Variants in ELAPOR1 observed in about 807,000 individuals in gnomAD.
The protein encoded by ELAPOR1 is endosome/lysosome-associated apoptosis and autophagy regulator 1.
Under a neutral mutation model 119.7 loss-of-function variants are expected in ELAPOR1, and 77 were observed. The ratio of observed to expected loss-of-function variants is 0.64; its 90% CI spans 0.54 to 0.78. The LOEUF is 0.78. ELAPOR1 is among the 30% of genes least tolerant of loss of function. The probability of loss-of-function intolerance (pLI) is 0.00; values close to 1 mark genes in which losing one functional copy is unlikely to be tolerated. For synonymous variants in ELAPOR1, 481 were observed against 487.2 expected, an observed-to-expected ratio of 0.99 and a Z score of 0.17; for missense variants, 1,115 against 1,270.4, an observed-to-expected ratio of 0.88 and a Z score of 1.86.
In ELAPOR1 at chr1:109,202,937, CTT is replaced by C. The variant is rs563551905; in HGVS notation, c.2974-5_2974-4del. ...GCAGCCAGCTCCTGTCACCATCTCT[CTT>C]TCAGAGGACTCCTGATGGATTTGAC... is the stretch of plus-strand genomic sequence containing the variant. On this transcript the variant is annotated splice_region_variant and splice_polypyrimidine_tract_variant and intron_variant, in intron 21 of 21. Coordinates refer to ENST00000369939, the MANE Select transcript of ELAPOR1 (RefSeq NM_020775.5). 9.6e-5 allele frequency: 155 copies of C among 1,613,864 alleles called. No homozygotes were observed. Among genetic ancestry groups the C allele is most frequent in the Non-Finnish European group, 1.3e-4 (150 of 1,179,958 alleles).
At chr1:109,196,332 G>A (rs920237407) in intron 15 of ELAPOR1, among the ~76,000 whole-genome samples, 1 of 152,144 alleles carries the variant, frequency 6.6e-6, no homozygotes, top group African/African-American at 2.4e-5. Flanking sequence ...ATTAGAGATA[G>A]GTGTCTCTAT....
intron 1 of ELAPOR1, among the ~76,000 whole-genome samples, chr1:109,134,801 G>A (rs1649366489): frequency 6.6e-6 from 1 of 152,152 alleles, no homozygotes; most frequent in South Asian, 2.1e-4. Flanking sequence ...TGGGAAGGCT[G>A]AAGCTGAACT....
chr1:109,123,459 G>A (rs901720518), intron 1 of ELAPOR1, among the ~76,000 whole-genome samples: 1 of 152,232 alleles, frequency 6.6e-6, no homozygotes, highest in South Asian at 2.1e-4. Context: ...GTATCTGTTG[G>A]TATAGATCAC....
At chr1:109,160,974 T>G (rs1379361656) in intron 1 of ELAPOR1, among the ~76,000 whole-genome samples, 1 of 152,228 alleles carries the variant, frequency 6.6e-6, no homozygotes, top group African/African-American at 2.4e-5. Flanking sequence ...GTAAAACAAT[T>G]AAACTATGAG....
intron 7 of ELAPOR1, 116 bp from the exon 8 acceptor site, chr1:109,184,929 G>A (rs764009258): frequency 9.2e-6 from 7 of 764,476 alleles, no homozygotes; most frequent in African/African-American, 1.7e-5. Context: ...TTCTACTTCC[G>A]GCAATATTTG....
At position 109,194,564 on chromosome 1, in the gene ELAPOR1, T is replaced by C. The variant is rs947331646; in HGVS notation, c.2091T>C (p.His697=). The change falls in exon 15 of 22, where the codon CAT becomes CAC. Residue 697 remains histidine, a synonymous_variant. Coordinates refer to ENST00000369939, the MANE Select transcript of ELAPOR1 (RefSeq NM_020775.5). ...CTTCCAAAGGGCTGAAATACTTCCA[T>C]CACTTTACCCTCAGTCTCTGTGGAA... The part of the protein sequence containing the change: ...SFTSKGLKYF[H]HFTLSLCGNQ... 7 of 1,613,920 alleles carry C rather than the reference T, an allele frequency of 4.3e-6. No individual in the cohort carries two copies. The highest frequency in any genetic ancestry group is 2.2e-5 in the East Asian group (1 of 44,880).
chr1:109,185,181 C>A, intron 8 of ELAPOR1, 48 bp downstream of exon 8: 1 of 1,414,642 alleles, frequency 7.1e-7, no homozygotes, highest in Non-Finnish European at 1.0e-6. Context: ...GGACTGTCTC[C>A]CACTCCCTGA....
chr1:109,118,582 T>C (rs528301751), intron 1 of ELAPOR1, among the ~76,000 whole-genome samples: 1 of 152,264 alleles, frequency 6.6e-6, no homozygotes, highest in East Asian at 1.9e-4. Flanking sequence ...GGCAGTGGAA[T>C]ACATGGAAAG....
chr1:109,164,418 C>T (rs1362138888), intron 2 of ELAPOR1, 81 bp from the exon 3 acceptor site: 2 of 1,261,800 alleles, frequency 1.6e-6, no homozygotes, highest in Non-Finnish European at 2.3e-6. Context: ...CAGCGCTCCT[C>T]CCTTCAGCTG....
Position 109,200,751 on chromosome 1 carries a change from T to C in ELAPOR1, c.2824T>C (p.Ser942Pro). ...GTTTTATAGACTAGAGTACAAGTACTCCAAGCTGGTGATGAATGCTACTCT... is the reference window on the plus strand; with the variant it reads ...GTTTTATAGACTAGAGTACAAGTACCCCAAGCTGGTGATGAATGCTACTCT... Reference protein sequence around the residue: ...KKNQKLEYKYSKLVMNATLKD... With the variant: ...KKNQKLEYKYPKLVMNATLKD... The change falls in exon 21 of 22, where the codon TCC becomes CCC. Residue 942 changes from serine (S) to proline (P), a missense_variant. Physicochemically the swap from Ser to Pro is moderately conservative, Grantham distance 74 (BLOSUM62 -1). Transcript: ENST00000369939. 1.2e-6 allele frequency: 2 copies of C among 1,614,034 alleles called. No individual in the cohort carries two copies. The highest frequency in any genetic ancestry group is 1.7e-6 in the Non-Finnish European group (2 of 1,179,948).
chr1:109,177,965 T>C (rs1652449349), intron 7 of ELAPOR1, among the ~76,000 whole-genome samples: 1 of 152,086 alleles, frequency 6.6e-6, no homozygotes, highest in African/African-American at 2.4e-5. Flanking sequence ...CACTGATTTC[T>C]CAATGTGCCC....
Position 109,189,092 on chromosome 1 carries a change from G to A in ELAPOR1, c.1246G>A (p.Glu416Lys), listed in dbSNP as rs769823156. Residue 416 changes from glutamate (E) to lysine (K), a missense_variant, in exon 10 of 22, where the codon GAA (glutamate) becomes AAA (lysine). Transcript: ENST00000369939. The stretch of plus-strand genomic sequence containing the variant: ...CTGTACCCGCTGCCCTGCAGGGACT[G>A]AACCTGCTGTGGGATTTGAATACAA... ...SDCTRCPAGT[E>K]PAVGFEYKWW... The A allele has an allele frequency of 6.2e-7, 1 of 1,613,920 alleles. No individual in the cohort carries two copies. Among genetic ancestry groups the A allele is most frequent in the Admixed American group, 1.7e-5 (1 of 60,030 alleles).
chr1:109,129,000 A>C (rs1477119752), intron 1 of ELAPOR1, among the ~76,000 whole-genome samples: 1 of 152,234 alleles, frequency 6.6e-6, no homozygotes, highest in Non-Finnish European at 1.5e-5. Context: ...TCTGGGATAC[A>C]TTTAAGAAAG....
intron 7 of ELAPOR1, among the ~76,000 whole-genome samples, chr1:109,180,519 AT>A (rs1037635377): frequency 1.4e-5 from 2 of 145,118 alleles, no homozygotes; most frequent in Non-Finnish European, 3.1e-5. Flanking sequence ...AAAAAAAAAA[AT>A]GGGAATGACA....
chr1:109,189,151 G>A lies in ELAPOR1; in HGVS notation c.1305G>A (p.Thr435=). 1 of 1,614,088 alleles carries A rather than the reference G, an allele frequency of 6.2e-7. No individual in the cohort carries two copies. The highest frequency in any genetic ancestry group is 1.1e-5 in the South Asian group (1 of 91,012). The change falls in exon 10 of 22, where the codon ACG becomes ACA. Residue 435 remains threonine (T), a synonymous_variant. Transcript: ENST00000369939. ...WWNTLPTNME[T]TVLSGINFEY... is the part of the protein sequence containing the mutation. ...ACACGCTGCCCACAAACATGGAAAC[G>A]ACCGTTCTCAGTGGGATCAACTTCG...
chr1:109,179,404 G>A (rs1247941114), intron 7 of ELAPOR1, among the ~76,000 whole-genome samples: 5 of 113,448 alleles, frequency 4.4e-5, no homozygotes, highest in East Asian at 2.7e-4. Context: ...GTGAGACTCT[G>A]TCTCCAAAAA....
intron 8 of ELAPOR1, chr1:109,187,773 CG>C: frequency 1.3e-6 from 1 of 795,814 alleles, no homozygotes; most frequent in Non-Finnish European, 1.6e-6. Context: ...CCTCAGTCCC[CG>C]GGGGACATCT....
chr1:109,119,047 G>A (rs1432107433), intron 1 of ELAPOR1, among the ~76,000 whole-genome samples: 11 of 151,648 alleles, frequency 7.3e-5, no homozygotes, highest in South Asian at 4.2e-4. Context: ...ACAGGTGCCC[G>A]CCACCATGCC....
intron 18 of ELAPOR1, 74 bp downstream of exon 18, chr1:109,198,748 A>G: frequency 1.5e-6 from 2 of 1,341,278 alleles, no homozygotes; most frequent in Non-Finnish European, 1.0e-6. Context: ...TCCAGAGATT[A>G]CTGAAAAAGA....
Sources: allele counts gnomAD v4.1 joint callset (sites outside exome capture counted in the v4.1 genomes callset), GRCh38; gene constraint gnomAD v4.1.1; transcripts MANE v1.5; gene names NCBI Gene and HGNC (gene_info 2026-07-23, HGNC 2026-07-21).